Variants in MYO5B observed in about 807,000 individuals in gnomAD.
MYO5B encodes the protein myosin VB, also known as unconventional myosin-Vb.
MYO5B carries 143 observed loss-of-function variants against 229.3 expected under a neutral mutation model. The observed-to-expected ratio is 0.62, with a 90% CI of 0.54 to 0.72. MYO5B has a LOEUF of 0.72. Among genes scored for constraint, MYO5B ranks in the 30% least tolerant of loss-of-function variants. MYO5B has a pLI of 0.00. For synonymous variants in MYO5B, 918 were observed against 885.2 expected, an observed-to-expected ratio of 1.04 and a Z score of -0.66; for missense variants, 2,321 against 2,331.0, an observed-to-expected ratio of 1.00 and a Z score of 0.09.
At chr18:50,147,365 G>T (rs2144296712) in intron 1 of MYO5B, among the ~76,000 whole-genome samples, 1 of 152,252 alleles carries the variant, frequency 6.6e-6, no homozygotes, top group South Asian at 2.1e-4. Context: ...CCCTGCCACT[G>T]CCCTGTCCAC....
chr18:50,096,600 C>G (rs898788572), intron 1 of MYO5B, among the ~76,000 whole-genome samples: 3 of 152,210 alleles, frequency 2.0e-5, no homozygotes, highest in African/African-American at 7.2e-5. Context: ...GGCTGATCTC[C>G]ACTGGTCACC....
chr18:50,000,170 G>A (rs888077296), intron 5 of MYO5B, among the ~76,000 whole-genome samples: 10 of 152,182 alleles, frequency 6.6e-5, no homozygotes, highest in African/African-American at 2.4e-4. Flanking sequence ...AGGGGACTGG[G>A]GAAAGTCCAG....
chr18:49,836,672 T>G (rs1013034500), intron 38 of MYO5B, 39 bp downstream of exon 38: 1 of 1,612,566 alleles, frequency 6.2e-7, no homozygotes. Flanking sequence ...CAGGGCTTCC[T>G]TGGAATACCA....
At chr18:50,126,972 A>G (rs1159047750) in intron 1 of MYO5B, among the ~76,000 whole-genome samples, 3 of 152,230 alleles carry the variant, frequency 2.0e-5, no homozygotes, top group Non-Finnish European at 4.4e-5. Context: ...AAGTTTTTAA[A>G]AAGTATTTTT....
intron 29 of MYO5B, among the ~76,000 whole-genome samples, chr18:49,859,517 C>G (rs982367192): frequency 1.1e-4 from 17 of 152,140 alleles, no homozygotes; most frequent in African/African-American, 4.1e-4. Context: ...TAGTTCATAC[C>G]CAAGCTTTCT....
At chr18:49,831,213 T>C (rs1473607175) in intron 39 of MYO5B, among the ~76,000 whole-genome samples, 1 of 152,140 alleles carries the variant, frequency 6.6e-6, no homozygotes, top group African/African-American at 2.4e-5. Flanking sequence ...GGGGAAAGTA[T>C]TTATGGTTCT....
At chr18:49,941,709 T>C (rs1598899243) in intron 14 of MYO5B, among the ~76,000 whole-genome samples, 1 of 152,056 alleles carries the variant, frequency 6.6e-6, no homozygotes, top group East Asian at 1.9e-4. Context: ...CATTCCATGC[T>C]CATGGGTAGG....
intron 16 of MYO5B, 23 bp downstream of exon 16, chr18:49,936,229 G>C: frequency 1.9e-6 from 3 of 1,554,852 alleles, no homozygotes; most frequent in Non-Finnish European, 2.6e-6. Context: ...GGCTGGACAG[G>C]CTAATGCCCA....
At chr18:49,913,793 C>A (rs2024983522) in intron 17 of MYO5B, among the ~76,000 whole-genome samples, 1 of 152,022 alleles carries the variant, frequency 6.6e-6, no homozygotes, top group Admixed American at 6.5e-5. Context: ...AAACCCCAGG[C>A]TCCAAAGGCA....
intron 39 of MYO5B, among the ~76,000 whole-genome samples, chr18:49,831,544 A>T (rs1448314182): frequency 1.3e-5 from 2 of 152,178 alleles, no homozygotes; most frequent in Non-Finnish European, 2.9e-5. Flanking sequence ...TACAAATCCA[A>T]ACCACAATGA....
chr18:50,194,087 C>T (rs1291037426), intron 1 of MYO5B, among the ~76,000 whole-genome samples: 6 of 152,226 alleles, frequency 3.9e-5, no homozygotes, highest in Non-Finnish European at 7.3e-5. Flanking sequence ...AAAGAGGCCG[C>T]GTCAAAACAT....
rs183844009 is a variant in MYO5B, at chr18:50,075,018, G to A, written c.28-19640C>T. Among the ~76,000 whole-genome samples the A allele has an allele frequency of 4.5e-3, 680 of 152,190 alleles. 3 individuals are homozygous for A. Among genetic ancestry groups the A allele is most frequent in the Non-Finnish European group, 7.7e-3 (522 of 67,996 alleles). On this transcript the variant is annotated intron_variant, in intron 1 of 39. Coordinates refer to ENST00000285039, the MANE Select transcript of MYO5B (RefSeq NM_001080467.3). Reference sequence around the variant, plus strand: ...TTTCACCATTGGTCAGGCTGGTCTCGAACTCCTGACCTCATGATCTGCCTG... The same window carrying A: ...TTTCACCATTGGTCAGGCTGGTCTCAAACTCCTGACCTCATGATCTGCCTG...
intron 4 of MYO5B, among the ~76,000 whole-genome samples, chr18:50,017,021 T>C (rs1046997842): frequency 6.6e-6 from 1 of 152,160 alleles, no homozygotes; most frequent in African/African-American, 2.4e-5. Flanking sequence ...TAATCTACTT[T>C]CTGTACCTAC....
chr18:50,157,029 A>C (rs1031007832), intron 1 of MYO5B, among the ~76,000 whole-genome samples: 22 of 151,708 alleles, frequency 1.5e-4, no homozygotes, highest in Non-Finnish European at 1.0e-4. Context: ...GAATAATTAA[A>C]TCTATAGTGA....
chr18:50,120,835 C>A (rs888472944), intron 1 of MYO5B, among the ~76,000 whole-genome samples: 1 of 152,220 alleles, frequency 6.6e-6, no homozygotes, highest in African/African-American at 2.4e-5. Context: ...CTGATGAGCA[C>A]TGCTACTTCC....
intron 1 of MYO5B, among the ~76,000 whole-genome samples, chr18:50,103,727 C>T (rs2031699028): frequency 6.6e-6 from 1 of 150,808 alleles, no homozygotes; most frequent in South Asian, 2.1e-4. Flanking sequence ...TGCAACAGAG[C>T]AAGACCTTGT....
At chr18:49,970,579 GAAGT>G (rs2025680559) in intron 10 of MYO5B, among the ~76,000 whole-genome samples, 1 of 152,336 alleles carries the variant, frequency 6.6e-6, no homozygotes, top group South Asian at 2.1e-4. Flanking sequence ...CTTATAGAAA[GAAGT>G]GAGTGTGTAT....
At chr18:50,046,243 T>C (rs17728849) in intron 2 of MYO5B, among the ~76,000 whole-genome samples, 24,178 of 152,230 alleles carry the variant, frequency 0.16, 2,000 homozygotes, top group South Asian at 0.23. Flanking sequence ...CCCTGCACAC[T>C]GGAATCCCTG....
chr18:49,893,287 G>C (rs2024736925), intron 22 of MYO5B, among the ~76,000 whole-genome samples: 1 of 152,194 alleles, frequency 6.6e-6, no homozygotes, highest in Admixed American at 6.5e-5. Context: ...CACATGCAGG[G>C]AATGTTTTTT....
Sources: gnomAD v4.1 joint callset for allele counts (sites outside exome capture counted in the v4.1 genomes callset) on GRCh38, gnomAD v4.1.1 for gene constraint, MANE v1.5 for transcripts, NCBI Gene and HGNC (gene_info 2026-07-23, HGNC 2026-07-21) for gene names.